Variants in MCF2L2 observed in about 807,000 individuals in gnomAD.
MCF2L2 encodes probable guanine nucleotide exchange factor MCF2L2.
In MCF2L2, 102 loss-of-function variants were observed where a neutral mutation model predicts 150.2. That is an observed-to-expected ratio of 0.68 (90% CI 0.58 to 0.80). The LOEUF is 0.80. MCF2L2 is among the 30% of genes least tolerant of loss of function. The probability of loss-of-function intolerance (pLI) is 0.00; values close to 1 mark genes in which losing one functional copy is unlikely to be tolerated. For synonymous variants in MCF2L2, 465 were observed against 491.3 expected (o/e 0.95, Z 0.71); for missense variants, 1,256 against 1,372.8 (o/e 0.91, Z 1.34).
At chr3:183,235,549 GT>G (rs1243652565) in intron 15 of MCF2L2, among the ~76,000 whole-genome samples, 1 of 53,052 alleles carries the variant, frequency 1.9e-5, no homozygotes, top group Non-Finnish European at 3.0e-5. Context: ...GGGGTTGTTT[GT>G]TTTTTTCTTG....
chr3:183,224,067 T>C (rs753019736), intron 19 of MCF2L2, 31 bp downstream of exon 19: 2 of 1,541,904 alleles, frequency 1.3e-6, no homozygotes, highest in African/African-American at 2.7e-5. Flanking sequence ...AGAAACATTT[T>C]CCAGGAAGAA....
At chr3:183,210,682 T>C (rs951530760) in intron 22 of MCF2L2, among the ~76,000 whole-genome samples, 2 of 152,196 alleles carry the variant, frequency 1.3e-5, no homozygotes, top group Admixed American at 1.3e-4. Context: ...CACTCTCTAA[T>C]GACTTGTGAA....
Position 183,202,110 on chromosome 3 carries a change from G to A in MCF2L2, c.2884+3766C>T, listed in dbSNP as rs78450766. ...CCATGGGAGGGGCAGAACAGGAATG[G>A]GGGAACTATGGAGCCTCATTCTTAG... On this transcript the variant is annotated intron_variant, in intron 25 of 29. Transcript: ENST00000328913. Among the ~76,000 whole-genome samples, 1,137 of 152,286 alleles carry A rather than the reference G, an allele frequency of 7.5e-3. 14 individuals are homozygous for A. Among genetic ancestry groups the A allele is most frequent in the African/African-American group, 0.025 (1,049 of 41,554 alleles).
At chr3:183,331,046 G>A (rs1040232223) in intron 5 of MCF2L2, among the ~76,000 whole-genome samples, 3 of 151,936 alleles carry the variant, frequency 2.0e-5, no homozygotes, top group Non-Finnish European at 4.4e-5. Flanking sequence ...TCTTTCATAC[G>A]CAAAACAACC....
At chr3:183,412,804 T>A (rs1715388037) in intron 1 of MCF2L2, among the ~76,000 whole-genome samples, 1 of 152,208 alleles carries the variant, frequency 6.6e-6, no homozygotes, top group South Asian at 2.1e-4. Context: ...GCCTTGTTCC[T>A]GTCTTTGGGG....
At chr3:183,262,083 A>C (rs184338577) in intron 15 of MCF2L2, among the ~76,000 whole-genome samples, 487 of 149,234 alleles carry the variant, frequency 3.3e-3, no homozygotes, top group African/African-American at 0.011. Flanking sequence ...ATATATATAT[A>C]CCAAATTAAA....
intron 25 of MCF2L2, among the ~76,000 whole-genome samples, chr3:183,195,637 G>A (rs568487742): frequency 4.6e-5 from 7 of 152,142 alleles, no homozygotes; most frequent in African/African-American, 7.2e-5. Context: ...TGAGTCCCTG[G>A]GAGAGCGATA....
chr3:183,300,791 C>T (rs538627566), intron 10 of MCF2L2, among the ~76,000 whole-genome samples: 2 of 151,794 alleles, frequency 1.3e-5, no homozygotes, highest in South Asian at 2.1e-4. Flanking sequence ...CCGAGGTGGG[C>T]GGATCACCTG....
At chr3:183,352,395 T>G (rs1043040827) in intron 3 of MCF2L2, among the ~76,000 whole-genome samples, 1 of 152,162 alleles carries the variant, frequency 6.6e-6, no homozygotes, top group African/African-American at 2.4e-5. Context: ...TGGTGGTGCG[T>G]GCCTGTAATC....
At chr3:183,369,845 A>G (rs6789540) in intron 3 of MCF2L2, among the ~76,000 whole-genome samples, 42,173 of 152,158 alleles carry the variant, frequency 0.28, 8,281 homozygotes, top group African/African-American at 0.55. Flanking sequence ...ATTGCATAAT[A>G]AATGTTGAAG....
intron 3 of MCF2L2, chr3:183,373,906 T>C (rs2108580379): frequency 6.6e-6 from 1 of 152,272 alleles, no homozygotes; most frequent in Non-Finnish European, 1.5e-5. Flanking sequence ...TAATACGAGA[T>C]AATTGTAAGG....
intron 13 of MCF2L2, among the ~76,000 whole-genome samples, chr3:183,291,356 G>A (rs1365777636): frequency 6.6e-6 from 1 of 152,186 alleles, no homozygotes; most frequent in African/African-American, 2.4e-5. Context: ...TTTTTCATCT[G>A]TAAAGTAGGG....
chr3:183,312,283 T>C (rs1400013733), intron 7 of MCF2L2, among the ~76,000 whole-genome samples: 2 of 152,194 alleles, frequency 1.3e-5, no homozygotes, highest in Non-Finnish European at 2.9e-5. Context: ...TTGGCAGATA[T>C]GGGCAGCAAT....
In MCF2L2 at chr3:183,181,873, G is replaced by A. The variant is rs1004426160; in HGVS notation, c.3017-1714C>T. On this transcript the variant is annotated intron_variant, in intron 27 of 29. Transcript: ENST00000328913. The surrounding 1 kb of genome is among the most constrained non-coding windows in gnomAD (Gnocchi z 4.3). The stretch of plus-strand genomic sequence containing the variant: ...CCTGGGGTGGGCAGGGCTGGGAGGC[G>A]ACACAGGAACTGAAAAACCTGACAA... Among the ~76,000 whole-genome samples, 2 of 152,276 alleles carry A rather than the reference G, an allele frequency of 1.3e-5. No homozygotes were observed. Among genetic ancestry groups the A allele is most frequent in the East Asian group, 3.9e-4 (2 of 5,172 alleles).
Position 183,238,772 on chromosome 3 carries a change from C to A in MCF2L2, c.1863-7755G>T, listed in dbSNP as rs112893264. Among the ~76,000 whole-genome samples, 358 of 150,668 alleles carry A rather than the reference C, an allele frequency of 2.4e-3. 2 individuals are homozygous for A. The highest frequency in any genetic ancestry group is 4.0e-3 in the Non-Finnish European group (273 of 67,574). On this transcript the variant is annotated intron_variant, in intron 15 of 29. Transcript: ENST00000328913. Reference sequence around the variant, plus strand: ...CAGCACTTTGGGAGGCCGAGGCAGGCGGATCACGAGGTCAGGAGATGTAGA... The same window carrying A: ...CAGCACTTTGGGAGGCCGAGGCAGGAGGATCACGAGGTCAGGAGATGTAGA...
At chr3:183,297,293 G>C in intron 11 of MCF2L2, 126 bp from the exon 12 acceptor site, 1 of 846,618 alleles carries the variant, frequency 1.2e-6, no homozygotes. Context: ...ATTGTCATGG[G>C]ACGGCATCGA....
chr3:183,217,170 T>C (rs1576930958), intron 21 of MCF2L2, among the ~76,000 whole-genome samples: 1 of 150,962 alleles, frequency 6.6e-6, no homozygotes, highest in South Asian at 2.1e-4. Context: ...GGTGGGCGCC[T>C]GTAATCCCAG....
intron 25 of MCF2L2, among the ~76,000 whole-genome samples, chr3:183,203,045 C>T (rs75531149): frequency 0.012 from 1,868 of 152,108 alleles, 31 homozygotes; most frequent in African/African-American, 0.043. Context: ...CCCATCTCTA[C>T]TAAAAGAAAA....
At chr3:183,383,459 T>C (rs2108591816) in intron 2 of MCF2L2, among the ~76,000 whole-genome samples, 1 of 152,216 alleles carries the variant, frequency 6.6e-6, no homozygotes, top group South Asian at 2.1e-4. Context: ...GTCTCTTAAC[T>C]CCCGACCTCA....
Sources: allele counts gnomAD v4.1 joint callset (sites outside exome capture counted in the v4.1 genomes callset), GRCh38; gene constraint gnomAD v4.1.1; non-coding constraint Gnocchi (gnomAD v3.1); transcripts MANE v1.5; gene names NCBI Gene and HGNC (gene_info 2026-07-23, HGNC 2026-07-21).